Variants in FOXP2 observed in about 807,000 individuals in gnomAD.
The protein encoded by FOXP2 is forkhead box P2.
Under a neutral mutation model 115.8 loss-of-function variants are expected in FOXP2, and 12 were observed. The observed-to-expected ratio is 0.10, with a 90% CI of 0.07 to 0.17. The LOEUF is 0.17. Among genes scored for constraint, FOXP2 ranks in the 10% least tolerant of loss-of-function variants. The pLI is 1.00. For synonymous variants in FOXP2, 328 were observed against 297.7 expected (o/e 1.10, Z -1.05); for missense variants, 629 against 843.5 (o/e 0.75, Z 3.15).
chr7:114,286,026 G>A (rs1281818788), intron 1 of FOXP2, among the ~76,000 whole-genome samples: 6 of 151,844 alleles, frequency 4.0e-5, no homozygotes, highest in African/African-American at 1.2e-4. Context: ...AAAAATATTT[G>A]CCTAATTTTT....
At chr7:114,198,117 G>A (rs934057126) in intron 1 of FOXP2, among the ~76,000 whole-genome samples, 2 of 152,088 alleles carry the variant, frequency 1.3e-5, no homozygotes, top group African/African-American at 4.8e-5. Flanking sequence ...GCCCATGTCA[G>A]CCTCCCAAAG....
At chr7:114,641,825 T>A (rs1052916131) in intron 6 of FOXP2, among the ~76,000 whole-genome samples, 2 of 152,032 alleles carry the variant, frequency 1.3e-5, no homozygotes, top group Non-Finnish European at 2.9e-5. Context: ...TGTTTTTGTT[T>A]GAGAGAGGGT....
chr7:114,333,470 G>A (rs1300098669), intron 2 of FOXP2, among the ~76,000 whole-genome samples: 1 of 152,178 alleles, frequency 6.6e-6, no homozygotes, highest in Non-Finnish European at 1.5e-5. Flanking sequence ...ACATTTATGA[G>A]GCCAAGTGTG....
intron 2 of FOXP2, among the ~76,000 whole-genome samples, chr7:114,341,548 T>G (rs1352773467): frequency 6.6e-6 from 1 of 151,354 alleles, no homozygotes; most frequent in Non-Finnish European, 1.5e-5. Flanking sequence ...ATCAAATGTG[T>G]TTAAAAATAA....
At chr7:114,227,038 A>T (rs559642281) in intron 1 of FOXP2, among the ~76,000 whole-genome samples, 51 of 152,140 alleles carry the variant, frequency 3.4e-4, no homozygotes, top group Non-Finnish European at 3.5e-4. Flanking sequence ...TCTCCCCTTG[A>T]AACTTTAATT....
chr7:114,435,802 G>C (rs905574972), intron 2 of FOXP2, among the ~76,000 whole-genome samples: 1 of 152,198 alleles, frequency 6.6e-6, no homozygotes, highest in Non-Finnish European at 1.5e-5. Flanking sequence ...GCCTCCCAAA[G>C]TTCCGGGATT....
chr7:114,248,518 G>A (rs1795349835), intron 1 of FOXP2, among the ~76,000 whole-genome samples: 1 of 152,166 alleles, frequency 6.6e-6, no homozygotes, highest in Non-Finnish European at 1.5e-5. Context: ...CTTGTGACTG[G>A]AAAATTTGAC....
In FOXP2 at chr7:114,400,720, T is replaced by C. The variant is rs572084737; in HGVS notation, c.-10-25782T>C. On this transcript the variant is annotated intron_variant, in intron 2 of 17. Coordinates refer to the FOXP2 transcript ENST00000634411. ...GATTCCTAGCATGCACAGTTCACAA[T>C]AGGGTTCACGTTCCTATGAGGACTT... 1.2e-4 allele frequency among the ~76,000 whole-genome samples: 18 copies of C among 152,120 alleles called. No homozygotes were observed. In the South Asian group the frequency reaches 3.7e-3, roughly 32 times the overall value.
chr7:114,334,944 T>A (rs1797811259), intron 2 of FOXP2, among the ~76,000 whole-genome samples: 1 of 144,752 alleles, frequency 6.9e-6, no homozygotes, highest in African/African-American at 2.5e-5. Flanking sequence ...TATATATATA[T>A]ATATATATAT....
At chr7:114,563,603 G>A (rs1034419688) in intron 3 of FOXP2, among the ~76,000 whole-genome samples, 8 of 152,140 alleles carry the variant, frequency 5.3e-5, no homozygotes, top group Admixed American at 1.3e-4. Context: ...TACTCCTTTA[G>A]ATGACCTCAC....
chr7:114,439,434 G>T (rs924166684), intron 2 of FOXP2, among the ~76,000 whole-genome samples: 1 of 151,976 alleles, frequency 6.6e-6, no homozygotes, highest in Non-Finnish European at 1.5e-5. Flanking sequence ...ATCTCTAGTT[G>T]ATTAATCATT....
intron 1 of FOXP2, among the ~76,000 whole-genome samples, chr7:114,264,316 T>G (rs909798529): frequency 1.3e-4 from 20 of 152,054 alleles, no homozygotes; most frequent in Admixed American, 3.3e-4. Context: ...ATAGAAGTTT[T>G]TTCATGGGGG....
chr7:114,372,755 GTGTAAATAAAACAAGGTTAATC>G, intron 2 of FOXP2, among the ~76,000 whole-genome samples: 1 of 151,514 alleles, frequency 6.6e-6, no homozygotes. Flanking sequence ...GTTTCCCCAC[GTGTAAATAAAACAAGGTTAATC>G]TGTTCTCGAC....
At chr7:114,221,687 T>C (rs1055490411) in intron 1 of FOXP2, among the ~76,000 whole-genome samples, 4 of 152,216 alleles carry the variant, frequency 2.6e-5, no homozygotes, top group African/African-American at 9.6e-5. Context: ...GAATTTTCTG[T>C]GCTTTTTGCT....
At chr7:114,233,905 T>C (rs1482176835) in intron 1 of FOXP2, among the ~76,000 whole-genome samples, 1 of 152,096 alleles carries the variant, frequency 6.6e-6, no homozygotes, top group Non-Finnish European at 1.5e-5. Flanking sequence ...CCTAGCTACT[T>C]GGAAGACTGA....
intron 1 of FOXP2, among the ~76,000 whole-genome samples, chr7:114,209,412 G>C (rs910538052): frequency 6.6e-6 from 1 of 152,182 alleles, no homozygotes; most frequent in Non-Finnish European, 1.5e-5. Flanking sequence ...AGGAAGCTTA[G>C]TTTGGCTGGA....
chr7:114,436,538 T>G (rs1049653318), intron 2 of FOXP2, among the ~76,000 whole-genome samples: 3 of 151,076 alleles, frequency 2.0e-5, no homozygotes, highest in African/African-American at 7.3e-5. Context: ...ACTAAATAAG[T>G]ATTTATTTAA....
chr7:114,251,716 A>G (rs1310807507), intron 1 of FOXP2, among the ~76,000 whole-genome samples: 3 of 152,214 alleles, frequency 2.0e-5, no homozygotes, highest in African/African-American at 7.2e-5. Flanking sequence ...TTCTAAATAT[A>G]CAATCATGTC....
At chr7:114,451,421 G>T (rs927253558) in intron 2 of FOXP2, among the ~76,000 whole-genome samples, 1 of 151,972 alleles carries the variant, frequency 6.6e-6, no homozygotes, top group Non-Finnish European at 1.5e-5. Flanking sequence ...ATGAAATGAG[G>T]ATCATACTGT....
Sources: gnomAD v4.1 joint callset for allele counts (sites outside exome capture counted in the v4.1 genomes callset) on GRCh38, gnomAD v4.1.1 for gene constraint, MANE v1.5 for transcripts, NCBI Gene and HGNC (gene_info 2026-07-23, HGNC 2026-07-21) for gene names.